Variants in GRXCR1 observed in about 807,000 individuals in gnomAD.
The protein encoded by GRXCR1 is glutaredoxin domain-containing cysteine-rich protein 1.
In GRXCR1, 27 loss-of-function variants were observed where a neutral mutation model predicts 27.3. The observed-to-expected ratio is 0.99, with a 90% CI of 0.73 to 1.37. The LOEUF is 1.37. GRXCR1 is among the 40% of genes most tolerant of loss of function. The pLI, the probability that GRXCR1 is intolerant of heterozygous loss-of-function variation, is 0.00. For synonymous variants in GRXCR1, 122 were observed against 131.1 expected (o/e 0.93, Z 0.47); for missense variants, 379 against 354.4 (o/e 1.07, Z -0.56).
chr4:42,914,366 G>A (rs186041310), intron 1 of GRXCR1, among the ~76,000 whole-genome samples: 193 of 152,364 alleles, frequency 1.3e-3, no homozygotes, highest in Middle Eastern at 0.01. Flanking sequence ...GAGACATGGA[G>A]TCAAAGAAGA....
chr4:42,898,128 A>C (rs571495475), intron 1 of GRXCR1, among the ~76,000 whole-genome samples: 327 of 152,100 alleles, frequency 2.1e-3, no homozygotes, highest in African/African-American at 7.6e-3. Context: ...CATGATAACA[A>C]ACATGAAGAC....
chr4:42,914,341 G>A (rs1273361941), intron 1 of GRXCR1, among the ~76,000 whole-genome samples: 1 of 152,252 alleles, frequency 6.6e-6, no homozygotes, highest in Non-Finnish European at 1.5e-5. Flanking sequence ...TCTTGCATCA[G>A]CATGATCTGG....
chr4:42,949,198 A>G (rs1318700663), intron 1 of GRXCR1, among the ~76,000 whole-genome samples: 3 of 151,170 alleles, frequency 2.0e-5, no homozygotes, highest in African/African-American at 4.9e-5. Flanking sequence ...CACTAAAAAT[A>G]CACACACACA....
intron 1 of GRXCR1, among the ~76,000 whole-genome samples, chr4:42,918,712 A>G (rs1355791917): frequency 1.3e-5 from 2 of 152,094 alleles, no homozygotes; most frequent in African/African-American, 4.8e-5. Flanking sequence ...GTTAACTCAC[A>G]CGAATAAAAC....
chr4:42,949,478 A>C (rs1747830356), intron 1 of GRXCR1, among the ~76,000 whole-genome samples: 1 of 152,224 alleles, frequency 6.6e-6, no homozygotes, highest in African/African-American at 2.4e-5. Context: ...TAATAAGGTC[A>C]TATAAATAGT....
At chr4:42,900,952 C>G (rs1440089329) in intron 1 of GRXCR1, among the ~76,000 whole-genome samples, 1 of 152,152 alleles carries the variant, frequency 6.6e-6, no homozygotes, top group African/African-American at 2.4e-5. Flanking sequence ...TTCACATGCC[C>G]TCTCATGAGT....
rs368958083 is a variant in GRXCR1 at position 42,946,642 on chromosome 4, G to A, written c.385-16250G>A. On this transcript the variant is annotated intron_variant, in intron 1 of 3. Coordinates refer to ENST00000399770, the MANE Select transcript of GRXCR1 (RefSeq NM_001080476.3). ...TGATGAGGGCTTTTTCCTCATAGAT[G>A]GGAACTTTTTGCTGTATCCTCACAT... is the stretch of plus-strand genomic sequence containing the variant. Among the ~76,000 whole-genome samples the A allele has an allele frequency of 3.6e-4, 55 of 152,224 alleles. 1 individual carries two copies. In the East Asian group the frequency reaches 3.7e-3, roughly 10 times the overall value.
intron 1 of GRXCR1, among the ~76,000 whole-genome samples, chr4:42,932,688 C>T (rs1477470906): frequency 7.7e-6 from 1 of 130,408 alleles, no homozygotes; most frequent in Non-Finnish European, 1.6e-5. Flanking sequence ...GGGCCCTGTG[C>T]TATGCAGGGC....
rs929549564 is a variant in GRXCR1 at position 42,981,865 on chromosome 4, T to A, written c.627+18731T>A. 5.3e-5 allele frequency among the ~76,000 whole-genome samples: 8 copies of A among 152,202 alleles called. No homozygotes were observed. In the East Asian group the frequency reaches 1.5e-3, roughly 29 times the overall value. Reference sequence around the variant, plus strand: ...TTTTGCTTTCGGGATCTTCTCTTTATCTTTGATTTTTGACAGTTTGATTAT... The same window carrying A: ...TTTTGCTTTCGGGATCTTCTCTTTAACTTTGATTTTTGACAGTTTGATTAT... On this transcript the variant is annotated intron_variant, in intron 2 of 3. Transcript: ENST00000399770.
chr4:42,988,205 A>C (rs1711842419), intron 2 of GRXCR1, among the ~76,000 whole-genome samples: 1 of 152,110 alleles, frequency 6.6e-6, no homozygotes, highest in Non-Finnish European at 1.5e-5. Flanking sequence ...TCTGTCTATT[A>C]TTGTGTTTTG....
At chr4:43,016,431 C>A (rs187693201) in intron 2 of GRXCR1, among the ~76,000 whole-genome samples, 1 of 152,074 alleles carries the variant, frequency 6.6e-6, no homozygotes, top group Non-Finnish European at 1.5e-5. Context: ...GTGGAGACAG[C>A]CTTCTCCTTT....
chr4:43,029,685 A>C (rs1713359817), intron 3 of GRXCR1, among the ~76,000 whole-genome samples: 1 of 152,194 alleles, frequency 6.6e-6, no homozygotes. Flanking sequence ...TGGGAAGCTA[A>C]ATAGACTTAC....
rs1232634790 is a variant in GRXCR1 at position 42,956,429 on chromosome 4, T to C, written c.385-6463T>C. Among the ~76,000 whole-genome samples the C allele has an allele frequency of 2.0e-5, 3 of 151,588 alleles. No individual in the cohort carries two copies. The East Asian group carries it at 5.8e-4, about 29-fold the overall frequency. Reference sequence around the variant, plus strand: ...GACAAATCTATTGAGGGAAGGAAAATGTAGCAAATGTAGAAGAGGAGGATT... The same window carrying C: ...GACAAATCTATTGAGGGAAGGAAAACGTAGCAAATGTAGAAGAGGAGGATT... On this transcript the variant is annotated intron_variant, in intron 1 of 3. Coordinates refer to ENST00000399770, the MANE Select transcript of GRXCR1 (RefSeq NM_001080476.3).
intron 2 of GRXCR1, among the ~76,000 whole-genome samples, chr4:42,993,278 C>T (rs2109792107): frequency 6.6e-6 from 1 of 152,114 alleles, no homozygotes; most frequent in South Asian, 2.1e-4. Context: ...ATTATTGGTC[C>T]TCTTTTTGCT....
intron 1 of GRXCR1, among the ~76,000 whole-genome samples, chr4:42,895,856 CT>C (rs1746337101): frequency 6.6e-6 from 1 of 152,030 alleles, no homozygotes; most frequent in Non-Finnish European, 1.5e-5. Flanking sequence ...TTCCTATACC[CT>C]TTACCAGATA....
intron 2 of GRXCR1, among the ~76,000 whole-genome samples, chr4:42,983,989 T>C (rs1008899774): frequency 1.1e-4 from 17 of 151,970 alleles, no homozygotes; most frequent in Non-Finnish European, 2.9e-5. Flanking sequence ...GTGCCCACCA[T>C]CATGCCTGAA....
In GRXCR1 at chr4:43,013,676, GTT is replaced by G. The variant is rs200880983; in HGVS notation, c.628-6676_628-6675del. Among the ~76,000 whole-genome samples, 1,079 of 152,234 alleles carry G rather than the reference GTT, an allele frequency of 7.1e-3. 7 individuals are homozygous for G. The highest frequency in any genetic ancestry group is 0.011 in the Non-Finnish European group (716 of 68,000). On this transcript the variant is annotated intron_variant, in intron 2 of 3. Coordinates refer to ENST00000399770, the MANE Select transcript of GRXCR1 (RefSeq NM_001080476.3). ...AAGTAAAAAATAAAAATGAAAATCA[GTT>G]TATGCAAAGAGAATCTGGGGAAGCA...
intron 2 of GRXCR1, among the ~76,000 whole-genome samples, chr4:42,993,582 C>G (rs746151689): frequency 5.9e-5 from 9 of 152,066 alleles, no homozygotes; most frequent in Non-Finnish European, 1.2e-4. Context: ...CTTACATTGG[C>G]CTGCCGTTGG....
At chr4:42,973,405 T>C (rs750667582) in intron 2 of GRXCR1, among the ~76,000 whole-genome samples, 11 of 152,142 alleles carry the variant, frequency 7.2e-5, no homozygotes, top group Non-Finnish European at 1.5e-4. Context: ...CCATTGCCAT[T>C]TCCTGTTTCT....
Sources: allele counts gnomAD v4.1 joint callset (sites outside exome capture counted in the v4.1 genomes callset), GRCh38; gene constraint gnomAD v4.1.1; transcripts MANE v1.5; gene names NCBI Gene and HGNC (gene_info 2026-07-23, HGNC 2026-07-21).